The following PGR variants were observed in gnomAD, a reference collection of about 807,000 sequenced individuals.
PGR encodes nuclear receptor subfamily 3 group C member 3.
PGR carries 25 observed loss-of-function variants against 76.1 expected under a neutral mutation model. The observed-to-expected ratio is 0.33, with a 90% CI of 0.24 to 0.46. The LOEUF (loss-of-function observed/expected upper bound fraction) is 0.46. PGR is among the 20% of genes least tolerant of loss of function. PGR has a pLI of 1.00. For missense variants in PGR, 1,172 were observed against 1,225.3 expected (o/e 0.96, Z 0.65); for synonymous variants, 579 against 535.0 (o/e 1.08, Z -1.14).
At chr11:101,104,021 G>C (rs182031796) in intron 2 of PGR, among the ~76,000 whole-genome samples, 38 of 152,216 alleles carry the variant, frequency 2.5e-4, no homozygotes, top group Admixed American at 7.8e-4. Context: ...AAAATCTATA[G>C]CACCATAACA....
chr11:101,049,849 T>C (rs778464056), intron 6 of PGR, 80 bp downstream of exon 6: 1 of 1,132,258 alleles, frequency 8.8e-7, no homozygotes, highest in Non-Finnish European at 1.3e-6. Context: ...CATACATAAC[T>C]ATATAATCAT....
At position 101,109,001 on chromosome 11, in the gene PGR, A is replaced by G. The variant is rs1406749029; in HGVS notation, c.1789+17006T>C. 2.6e-5 allele frequency among the ~76,000 whole-genome samples: 4 copies of G among 152,214 alleles called. 1 individual carries two copies. The highest frequency in any genetic ancestry group is 4.1e-4 in the South Asian group (2 of 4,824). On this transcript the variant is annotated intron_variant, in intron 2 of 7. Coordinates refer to ENST00000325455, the MANE Select transcript of PGR (RefSeq NM_000926.4). ...ATTATCATCTCTGCTATGGTGATCT[A>G]TGATCAGAGATCTTTGATGTTATTA... is the stretch of plus-strand genomic sequence containing the variant.
intron 2 of PGR, among the ~76,000 whole-genome samples, chr11:101,120,913 A>C (rs1345886367): frequency 1.3e-5 from 2 of 152,360 alleles, no homozygotes; most frequent in East Asian, 3.9e-4. Context: ...TGGCTCTTGT[A>C]GTGGTATTAA....
intron 4 of PGR, among the ~76,000 whole-genome samples, chr11:101,058,133 G>C (rs891280369): frequency 1.3e-5 from 2 of 152,126 alleles, no homozygotes; most frequent in African/African-American, 4.8e-5. Flanking sequence ...AAGAGTCTTA[G>C]CAAGAAATAG....
chr11:101,063,286 T>C (rs973660317), intron 3 of PGR: 9 of 152,732 alleles, frequency 5.9e-5, no homozygotes, highest in African/African-American at 2.2e-4. Context: ...TTTCAGTAGG[T>C]TCATTGATCC....
rs1479214329 is a variant in PGR, at chr11:101,038,351, T to C, written c.*765A>G. On this transcript the variant is annotated 3_prime_UTR_variant, in exon 8 of 8. Transcript: ENST00000325455. ...GTTGGTAAGGAGTACAGTTAGGCCA[T>C]AATCTTCTGATTTCTTATGTCCACT... The C allele has an allele frequency of 4.8e-6, 1 of 209,214 alleles. No homozygotes were observed. Among genetic ancestry groups the C allele is most frequent in the Non-Finnish European group, 9.7e-6 (1 of 102,904 alleles). 13.0% of individuals were successfully genotyped at this position (209,214 alleles called of 1,614,324 possible). A position where few individuals can be genotyped will look rare whatever the true frequency, so the allele number is the denominator to read the frequency against.
chr11:101,100,639 C>T (rs1241121716), intron 2 of PGR, among the ~76,000 whole-genome samples: 1 of 142,308 alleles, frequency 7.0e-6, no homozygotes, highest in African/African-American at 2.5e-5. Context: ...ACACACAATA[C>T]ATACAGATAA....
At chr11:101,065,349 G>A (rs912851718) in intron 3 of PGR, among the ~76,000 whole-genome samples, 2 of 152,200 alleles carry the variant, frequency 1.3e-5, no homozygotes, top group African/African-American at 2.4e-5. Context: ...GAACAGCAAT[G>A]TGATTTTTAA....
At chr11:101,089,400 G>A (rs1280811178) in intron 3 of PGR, among the ~76,000 whole-genome samples, 3 of 152,228 alleles carry the variant, frequency 2.0e-5, no homozygotes, top group Middle Eastern at 6.8e-3. Flanking sequence ...CTTAGGAAGA[G>A]GCTAAGCAAA....
In PGR at chr11:101,070,615, C is replaced by T. The variant is rs1337496747; in HGVS notation, c.1907-7863G>A. Among the ~76,000 whole-genome samples, 3 of 152,302 alleles carry T rather than the reference C, an allele frequency of 2.0e-5. No individual in the cohort carries two copies. The East Asian group carries it at 5.8e-4, about 30-fold the overall frequency. ...GCCAGCACAGCAGTGTGAAGTCGACCTGGGACGCTGGAGCATGGTGGTGGG... is the reference window on the plus strand; with the variant it reads ...GCCAGCACAGCAGTGTGAAGTCGACTTGGGACGCTGGAGCATGGTGGTGGG... On this transcript the variant is annotated intron_variant, in intron 3 of 7. Coordinates refer to ENST00000325455, the MANE Select transcript of PGR (RefSeq NM_000926.4).
At chr11:101,076,919 ATTTTTT>A (rs59106149) in intron 3 of PGR, among the ~76,000 whole-genome samples, 18 of 65,156 alleles carry the variant, frequency 2.8e-4, no homozygotes, top group African/African-American at 4.1e-4. Context: ...TACAAATGGA[ATTTTTT>A]TTTTTTTTTT....
At chr11:101,102,897 G>A (rs1862040109) in intron 2 of PGR, among the ~76,000 whole-genome samples, 1 of 151,832 alleles carries the variant, frequency 6.6e-6, no homozygotes, top group African/African-American at 2.4e-5. Context: ...ATTTCAGGAT[G>A]AAATTGTTCC....
rs1862181809 is a variant in PGR at position 101,106,963 on chromosome 11, C to G, written c.1790-15087G>C. Among the ~76,000 whole-genome samples, 4 of 152,086 alleles carry G rather than the reference C, an allele frequency of 2.6e-5. No homozygotes were observed. In the South Asian group the frequency reaches 8.3e-4, roughly 32 times the overall value. On this transcript the variant is annotated intron_variant, in intron 2 of 7. Transcript: ENST00000325455. Reference sequence around the variant, plus strand: ...CATCATCAGCAAGCTAACACAAGAACAGAAAACCAAACACCGCATTGTCTC... The same window carrying G: ...CATCATCAGCAAGCTAACACAAGAAGAGAAAACCAAACACCGCATTGTCTC...
Position 101,066,312 on chromosome 11 carries a change from T to C in PGR, c.1907-3560A>G, listed in dbSNP as rs548677711. On this transcript the variant is annotated intron_variant, in intron 3 of 7. Coordinates refer to ENST00000325455, the MANE Select transcript of PGR (RefSeq NM_000926.4). ...GGGTAAGTACTTAACACATTGATCGTTTCCTTCTTCTTTTAACGCTCTTAT... is the reference window on the plus strand; with the variant it reads ...GGGTAAGTACTTAACACATTGATCGCTTCCTTCTTCTTTTAACGCTCTTAT... 1.2e-4 allele frequency among the ~76,000 whole-genome samples: 19 copies of C among 152,190 alleles called. No homozygotes were observed. In the South Asian group the frequency reaches 2.9e-3, roughly 23 times the overall value.
intron 3 of PGR, among the ~76,000 whole-genome samples, chr11:101,082,427 T>C (rs1352761719): frequency 6.6e-6 from 1 of 152,174 alleles, no homozygotes; most frequent in Non-Finnish European, 1.5e-5. Context: ...TTGGAACAGT[T>C]TGCAGGGCTC....
chr11:101,040,342 T>C (rs75183763), intron 7 of PGR, among the ~76,000 whole-genome samples: 2 of 152,172 alleles, frequency 1.3e-5, no homozygotes, highest in Non-Finnish European at 2.9e-5. Flanking sequence ...TGCACAGTTA[T>C]TGTTCTGGGA....
At chr11:101,120,577 G>A (rs1049186348) in intron 2 of PGR, among the ~76,000 whole-genome samples, 1 of 151,896 alleles carries the variant, frequency 6.6e-6, no homozygotes, top group African/African-American at 2.4e-5. Flanking sequence ...ATGAACAATA[G>A]AGCTTCAAGT....
At chr11:101,080,373 C>T (rs979907091) in intron 3 of PGR, among the ~76,000 whole-genome samples, 19 of 151,496 alleles carry the variant, frequency 1.3e-4, no homozygotes, top group African/African-American at 4.6e-4. Context: ...AAAGATCCTA[C>T]CCAGCATTCT....
intron 6 of PGR, among the ~76,000 whole-genome samples, chr11:101,045,838 C>A (rs620542): frequency 0.27 from 41,157 of 151,874 alleles, 5,772 homozygotes; most frequent in African/African-American, 0.35. Context: ...ATAATGATTT[C>A]TTTTCCTTTG....
Sources: allele counts gnomAD v4.1 joint callset (sites outside exome capture counted in the v4.1 genomes callset), GRCh38; gene constraint gnomAD v4.1.1; transcripts MANE v1.5; gene names NCBI Gene and HGNC (gene_info 2026-07-23, HGNC 2026-07-21).